RNF38: variants seen among roughly 807,000 people sequenced by gnomAD.
RNF38 encodes the protein ring finger protein 38, also known as E3 ubiquitin-protein ligase RNF38.
RNF38 carries 15 observed loss-of-function variants against 67.2 expected under a neutral mutation model. The ratio of observed to expected loss-of-function variants is 0.22; its 90% confidence interval spans 0.15 to 0.34. The LOEUF (loss-of-function observed/expected upper bound fraction) is 0.34, where lower values mean the gene tolerates loss of function less well. Among genes scored for constraint, RNF38 ranks in the 10% least tolerant of loss-of-function variants. The pLI is 1.00. For missense variants in RNF38, 524 were observed against 639.9 expected, an observed-to-expected ratio of 0.82 and a Z score of 1.95; for synonymous variants, 220 against 218.8, an observed-to-expected ratio of 1.01 and a Z score of -0.05.
At chr9:36,459,639 T>TCC (rs1366882795) in intron 1 of RNF38, among the ~76,000 whole-genome samples, 4 of 152,170 alleles carry the variant, frequency 2.6e-5, no homozygotes, top group African/African-American at 9.7e-5. Flanking sequence ...GTGTACATAC[T>TCC]CCATCACAGG....
At chr9:36,361,276 C>T (rs1432432643) in intron 4 of RNF38, among the ~76,000 whole-genome samples, 10 of 151,910 alleles carry the variant, frequency 6.6e-5, no homozygotes, top group Admixed American at 2.6e-4. Context: ...CTCAGCCTCC[C>T]GAGTACCTGG....
chr9:36,477,108 G>C (rs1009477476), intron 1 of RNF38, among the ~76,000 whole-genome samples: 3 of 151,828 alleles, frequency 2.0e-5, no homozygotes, highest in Non-Finnish European at 2.9e-5. Context: ...TGGATCACAA[G>C]GTCAGGAGTT....
At chr9:36,434,370 C>T (rs1462962166) in intron 1 of RNF38, among the ~76,000 whole-genome samples, 2 of 128,594 alleles carry the variant, frequency 1.6e-5, no homozygotes, top group African/African-American at 3.0e-5. Context: ...GGGGAGGGCA[C>T]GGGAGGAGGA....
At position 36,475,310 on chromosome 9, in the gene RNF38, C is replaced by T. The variant is rs74800119; in HGVS notation, n.241+11998G>A. 2.4e-3 allele frequency among the ~76,000 whole-genome samples: 369 copies of T among 152,150 alleles called. 1 individual carries two copies. Among genetic ancestry groups the T allele is most frequent in the African/African-American group, 8.6e-3 (355 of 41,514 alleles). ...CTGTGTCTAGTACATAGTAAGCATT[C>T]AACAAATGTTTACCAAATTATTATT... On this transcript the variant is annotated intron_variant and non_coding_transcript_variant, in intron 1 of 3. Transcript: ENST00000488058.
intron 1 of RNF38, among the ~76,000 whole-genome samples, chr9:36,469,171 C>T (rs923360548): frequency 2.6e-5 from 4 of 152,180 alleles, no homozygotes; most frequent in Non-Finnish European, 5.9e-5. Flanking sequence ...CTGGATCCTT[C>T]TCTCCAGAAG....
intron 3 of RNF38, among the ~76,000 whole-genome samples, chr9:36,372,139 C>T (rs983425071): frequency 6.6e-5 from 10 of 152,100 alleles, no homozygotes; most frequent in African/African-American, 2.4e-4. Flanking sequence ...CCATATTGGC[C>T]AGGCTGGTCT....
intron 1 of RNF38, among the ~76,000 whole-genome samples, chr9:36,464,474 G>A (rs1839814174): frequency 6.6e-6 from 1 of 152,010 alleles, no homozygotes; most frequent in East Asian, 1.9e-4. Flanking sequence ...AGGAGGCTGA[G>A]GCAGGAGAAT....
chr9:36,476,145 G>C (rs991653228), intron 1 of RNF38, among the ~76,000 whole-genome samples: 4 of 151,870 alleles, frequency 2.6e-5, no homozygotes, highest in African/African-American at 9.7e-5. Context: ...TTGTTTTTGA[G>C]ACTGAGTCTC....
At chr9:36,344,539 TAAGA>T (rs1833077877) in intron 10 of RNF38, among the ~76,000 whole-genome samples, 1 of 152,182 alleles carries the variant, frequency 6.6e-6, no homozygotes, top group African/African-American at 2.4e-5. Flanking sequence ...CAGAACTTTC[TAAGA>T]TGACAGAAAT....
intron 11 of RNF38, among the ~76,000 whole-genome samples, chr9:36,341,756 A>C (rs1832848332): frequency 7.6e-6 from 1 of 130,780 alleles, no homozygotes; most frequent in African/African-American, 2.9e-5. Context: ...GTACCGCTGC[A>C]CTCCAGACTG....
intron 1 of RNF38, among the ~76,000 whole-genome samples, chr9:36,479,972 T>A (rs1840210667): frequency 6.6e-6 from 1 of 151,924 alleles, no homozygotes; most frequent in South Asian, 2.1e-4. Context: ...TCTGTAAATG[T>A]GAATTTTTAT....
At chr9:36,464,218 T>C (rs1277470935) in intron 1 of RNF38, among the ~76,000 whole-genome samples, 2 of 151,744 alleles carry the variant, frequency 1.3e-5, no homozygotes, top group Non-Finnish European at 1.5e-5. Flanking sequence ...TTCTAATTTC[T>C]GACAAGATCA....
intron 8 of RNF38, among the ~76,000 whole-genome samples, chr9:36,351,755 T>C (rs910802387): frequency 7.2e-5 from 11 of 152,190 alleles, no homozygotes; most frequent in African/African-American, 2.4e-4. Flanking sequence ...ATTATAGACA[T>C]GTGACTAAGT....
intron 1 of RNF38, among the ~76,000 whole-genome samples, chr9:36,426,341 C>T (rs1401379689): frequency 6.6e-6 from 1 of 152,052 alleles, no homozygotes; most frequent in Admixed American, 6.6e-5. Flanking sequence ...TTATCTCTTC[C>T]CTGAGCCACT....
chr9:36,448,619 T>C (rs1200333086), intron 1 of RNF38, among the ~76,000 whole-genome samples: 1 of 152,134 alleles, frequency 6.6e-6, no homozygotes, highest in Non-Finnish European at 1.5e-5. Flanking sequence ...CTAGATAATG[T>C]AAAGTGCCTT....
chr9:36,350,728 G>A (rs1321307362), intron 9 of RNF38, among the ~76,000 whole-genome samples: 3 of 152,120 alleles, frequency 2.0e-5, no homozygotes, highest in African/African-American at 7.2e-5. Context: ...ATAGCTATGT[G>A]GTATTACATA....
At chr9:36,471,751 G>C (rs1840003382) in intron 1 of RNF38, among the ~76,000 whole-genome samples, 1 of 152,166 alleles carries the variant, frequency 6.6e-6, no homozygotes, top group South Asian at 2.1e-4. Flanking sequence ...TTTATGAGTT[G>C]CACATAAATT....
At chr9:36,478,308 G>C (rs1462117430) in intron 1 of RNF38, among the ~76,000 whole-genome samples, 3 of 149,328 alleles carry the variant, frequency 2.0e-5, no homozygotes, top group African/African-American at 7.4e-5. Flanking sequence ...GGAGGCTGAG[G>C]CAGGAGAATG....
chr9:36,479,272 C>A (rs1840193498), intron 1 of RNF38, among the ~76,000 whole-genome samples: 1 of 152,162 alleles, frequency 6.6e-6, no homozygotes, highest in Non-Finnish European at 1.5e-5. Flanking sequence ...CCTCAGAGCA[C>A]AAAGCTTCTT....
Sources: allele counts gnomAD v4.1 joint callset (sites outside exome capture counted in the v4.1 genomes callset), GRCh38; gene constraint gnomAD v4.1.1; transcripts MANE v1.5; gene names NCBI Gene and HGNC (gene_info 2026-07-23, HGNC 2026-07-21).